RMND5A: variants seen among roughly 807,000 people sequenced by gnomAD.
The protein encoded by RMND5A is required for meiotic nuclear division 5 homolog A, also known as E3 ubiquitin-protein transferase RMND5A.
In RMND5A, 17 loss-of-function variants were observed where a neutral mutation model predicts 49.7. The ratio of observed to expected loss-of-function variants is 0.34; its 90% CI spans 0.23 to 0.51. The LOEUF is 0.51. Ranked by LOEUF, RMND5A falls within the 20% of genes least tolerant of loss-of-function variation. The pLI, the probability that RMND5A is intolerant of heterozygous loss-of-function variation, is 0.96. For missense variants in RMND5A, 255 were observed against 471.3 expected (o/e 0.54, Z 4.25); for synonymous variants, 156 against 167.7 (o/e 0.93, Z 0.54).
intron 4 of RMND5A, among the ~76,000 whole-genome samples, chr2:86,756,742 A>ATC (rs1681746760): frequency 6.6e-6 from 1 of 152,206 alleles, no homozygotes; most frequent in South Asian, 2.1e-4. Context: ...GGCGGGAGAT[A>ATC]TCTGCCAGTT....
At chr2:86,752,561 T>C (rs1347789153) in intron 3 of RMND5A, among the ~76,000 whole-genome samples, 1 of 152,240 alleles carries the variant, frequency 6.6e-6, no homozygotes, top group Non-Finnish European at 1.5e-5. Context: ...TATTGAGTGC[T>C]TACCTTAAGC....
At position 86,773,516 on chromosome 2, in the gene RMND5A, A is replaced by G. The variant is rs1008727177; in HGVS notation, c.*105A>G. On this transcript the variant is annotated 3_prime_UTR_variant, in exon 9 of 9. Transcript: ENST00000283632. ...GCTAACCAAGGACTCCTGTGTTTCT[A>G]TAAGCTAATGCTCCAGAAACTTTGC... The G allele has an allele frequency of 2.1e-5, 15 of 723,224 alleles. No individual in the cohort carries two copies. The South Asian group carries it at 2.4e-4, about 11-fold the overall frequency. The allele number at this position is 723,224 out of a possible 1,614,324, so 44.8% of individuals were successfully genotyped here.
rs1672510550 is a variant in RMND5A at position 86,762,470 on chromosome 2, C to A, written c.522-2557C>A. On this transcript the variant is annotated intron_variant, in intron 4 of 8. Transcript: ENST00000283632. ...GACCAGCCTGGCCAACATGGTGAGA[C>A]CCTATCTCTACTAAAAATGCAAAAA... Among the ~76,000 whole-genome samples the A allele has an allele frequency of 2.0e-5, 3 of 151,340 alleles. No individual in the cohort carries two copies. In the South Asian group the frequency reaches 6.3e-4, roughly 32 times the overall value.
At chr2:86,756,618 G>A (rs1681745230) in intron 4 of RMND5A, among the ~76,000 whole-genome samples, 1 of 152,202 alleles carries the variant, frequency 6.6e-6, no homozygotes, top group Admixed American at 6.5e-5. Context: ...GTGCAGAGCA[G>A]ATACTGACTA....
chr2:86,763,394 A>T (rs1398173455), intron 4 of RMND5A, among the ~76,000 whole-genome samples: 2 of 152,192 alleles, frequency 1.3e-5, no homozygotes, highest in Admixed American at 1.3e-4. Flanking sequence ...GAAATCTGTA[A>T]GGTGCCTGGC....
chr2:86,758,621 T>G (rs1190164962), intron 4 of RMND5A, among the ~76,000 whole-genome samples: 1 of 152,202 alleles, frequency 6.6e-6, no homozygotes, highest in Non-Finnish European at 1.5e-5. Context: ...TGTGTGTGTC[T>G]TAAATAGAGT....
At chr2:86,771,033 G>A (rs1484646876) in intron 7 of RMND5A, among the ~76,000 whole-genome samples, 1 of 152,176 alleles carries the variant, frequency 6.6e-6, no homozygotes, top group Admixed American at 6.5e-5. Context: ...CTGTCAGTTG[G>A]TTGCCCCAGC....
In RMND5A at chr2:86,737,576, T is replaced by C. The variant is rs1274743610; in HGVS notation, c.143-3351T>C. 1.3e-4 allele frequency among the ~76,000 whole-genome samples: 3 copies of C among 22,900 alleles called. 1 individual carries two copies. Among genetic ancestry groups the C allele is most frequent in the Non-Finnish European group, 2.8e-4 (3 of 10,714 alleles). 15.0% of individuals were successfully genotyped at this position (22,900 alleles called of 152,430 possible). On this transcript the variant is annotated intron_variant, in intron 1 of 8. Coordinates refer to ENST00000283632, the MANE Select transcript of RMND5A (RefSeq NM_022780.4). ...ATATAGTCCCATGCATTAAGTATCA[T>C]ATATATATATATATATATGTCAGTG...
chr2:86,720,727 C>G lies in RMND5A; in HGVS notation c.60C>G (p.Gly20=). The change falls in exon 1 of 9, where the codon GGC becomes GGG. Residue 20 remains glycine (G), a synonymous_variant. Transcript: ENST00000283632. The stretch of plus-strand genomic sequence containing the variant: ...AGAAGGTGCTGCACAAGTTCTCAGG[C>G]TACGGGCAGCTGTGCGAGCGCGGCC... ...ELEKVLHKFS[G]YGQLCERGLE... is the part of the protein sequence containing the mutation. The G allele has an allele frequency of 1.9e-6, 3 of 1,588,176 alleles. No individual in the cohort carries two copies. The highest frequency in any genetic ancestry group is 2.6e-6 in the Non-Finnish European group (3 of 1,168,302).
chr2:86,765,778 C>A, intron 5 of RMND5A, 81 bp from the exon 6 acceptor site: 2 of 1,205,004 alleles, frequency 1.7e-6, no homozygotes, highest in Non-Finnish European at 2.3e-6. Flanking sequence ...TAGGCTGTAT[C>A]AGTATGGGTG....
At chr2:86,741,726 C>T (rs1260317062) in intron 2 of RMND5A, among the ~76,000 whole-genome samples, 8 of 151,026 alleles carry the variant, frequency 5.3e-5, no homozygotes. Context: ...CTATTGGCAC[C>T]TAAGAGAAGT....
chr2:86,720,836 G>T (rs761324062), intron 1 of RMND5A, 27 bp downstream of exon 1: 3 of 1,556,068 alleles, frequency 1.9e-6, no homozygotes, highest in East Asian at 2.4e-5. Flanking sequence ...GGGCGCGCGG[G>T]GCATGGCCCA....
chr2:86,747,873 C>T (rs1052845614), intron 2 of RMND5A, among the ~76,000 whole-genome samples: 1 of 152,154 alleles, frequency 6.6e-6, no homozygotes, highest in Non-Finnish European at 1.5e-5. Context: ...TACTCCTCTT[C>T]TGCCTCAGCT....
chr2:86,720,731 G>A lies in RMND5A; in HGVS notation c.64G>A (p.Gly22Arg), dbSNP rs773834783. ...GGTGCTGCACAAGTTCTCAGGCTACGGGCAGCTGTGCGAGCGCGGCCTGGA... is the reference window on the plus strand; with the variant it reads ...GGTGCTGCACAAGTTCTCAGGCTACAGGCAGCTGTGCGAGCGCGGCCTGGA... ...EKVLHKFSGY[G>R]QLCERGLEEL... Residue 22 changes from glycine to arginine, a missense_variant, in exon 1 of 9, where the codon GGG (glycine) becomes AGG (arginine). This residue lies in a region of RMND5A where 42 missense variants were observed against 59.9 expected (regional missense o/e 0.70). Coordinates refer to ENST00000283632, the MANE Select transcript of RMND5A (RefSeq NM_022780.4). 1 of 1,589,386 alleles carries A rather than the reference G, an allele frequency of 6.3e-7. No individual in the cohort carries two copies.
intron 4 of RMND5A, among the ~76,000 whole-genome samples, chr2:86,762,464 G>C (rs549824246): frequency 9.4e-4 from 143 of 151,880 alleles, no homozygotes; most frequent in Admixed American, 1.6e-3. Flanking sequence ...GGCCAACATG[G>C]TGAGACCCTA....
intron 4 of RMND5A, among the ~76,000 whole-genome samples, chr2:86,759,612 G>GCC (rs144501224): frequency 2.1e-4 from 31 of 146,244 alleles, no homozygotes; most frequent in South Asian, 4.4e-4. Context: ...TAGTTTGCTT[G>GCC]CCCCCCCGCC....
intron 4 of RMND5A, among the ~76,000 whole-genome samples, chr2:86,761,778 T>TA (rs1377510860): frequency 6.6e-6 from 1 of 152,230 alleles, no homozygotes; most frequent in African/African-American, 2.4e-5. Context: ...GGTATCTACT[T>TA]ACTTTTCTAA....
intron 2 of RMND5A, among the ~76,000 whole-genome samples, chr2:86,744,988 A>G (rs1464824412): frequency 1.2e-5 from 1 of 84,604 alleles, no homozygotes; most frequent in Non-Finnish European, 2.6e-5. Context: ...TTTAAAATAA[A>G]TAATATTTGT....
At chr2:86,754,553 C>A (rs1681695339) in intron 4 of RMND5A, among the ~76,000 whole-genome samples, 1 of 151,920 alleles carries the variant, frequency 6.6e-6, no homozygotes, top group Non-Finnish European at 1.5e-5. Flanking sequence ...TTAGTTTTTT[C>A]TTTCTAATCA....
Sources: allele counts gnomAD v4.1 joint callset (sites outside exome capture counted in the v4.1 genomes callset), GRCh38; gene constraint gnomAD v4.1.1; regional missense constraint gnomAD v4.1.1; transcripts MANE v1.5; gene names NCBI Gene and HGNC (gene_info 2026-07-23, HGNC 2026-07-21).